Variants in NUP155 observed in about 807,000 individuals in gnomAD.
NUP155 encodes the protein nuclear pore complex protein Nup155.
In NUP155, 71 loss-of-function variants were observed where a neutral mutation model predicts 180.4. The observed-to-expected ratio is 0.39, with a 90% CI of 0.33 to 0.48. NUP155 has a LOEUF of 0.48. NUP155 is among the 20% of genes least tolerant of loss of function. NUP155 has a pLI of 0.91. For synonymous variants in NUP155, 582 were observed against 559.5 expected (o/e 1.04, Z -0.57); for missense variants, 1,553 against 1,648.9 (o/e 0.94, Z 1.01).
chr5:37,366,266 A>G (rs1231783521), intron 1 of NUP155, among the ~76,000 whole-genome samples: 1 of 152,182 alleles, frequency 6.6e-6, no homozygotes, highest in Non-Finnish European at 1.5e-5. Flanking sequence ...TAGAGTACAA[A>G]GATGTTAAGG....
intron 14 of NUP155, 73 bp from the exon 15 acceptor site, chr5:37,330,205 G>C: frequency 1.9e-6 from 2 of 1,027,868 alleles, no homozygotes; most frequent in Non-Finnish European, 3.0e-6. Context: ...GCTAGATGCA[G>C]TATTAAAGTC....
At chr5:37,312,940 T>TA (rs1313393740) in intron 22 of NUP155, among the ~76,000 whole-genome samples, 1 of 152,176 alleles carries the variant, frequency 6.6e-6, no homozygotes, top group Non-Finnish European at 1.5e-5. Context: ...ATATGGGAGT[T>TA]ACAGTTTTTG....
At chr5:37,351,422 T>A in intron 5 of NUP155, 66 bp from the exon 6 acceptor site, 2 of 1,138,794 alleles carry the variant, frequency 1.8e-6, no homozygotes, top group Non-Finnish European at 2.6e-6. Flanking sequence ...ATCTTTGCAT[T>A]ATCATCAGAA....
At chr5:37,343,105 T>C (rs372180503) in intron 9 of NUP155, among the ~76,000 whole-genome samples, 1 of 151,176 alleles carries the variant, frequency 6.6e-6, no homozygotes, top group East Asian at 2.0e-4. Context: ...GACGGAGTCT[T>C]GCTCTGTTGC....
chr5:37,358,897 G>T (rs529217586), intron 3 of NUP155, among the ~76,000 whole-genome samples: 1 of 152,018 alleles, frequency 6.6e-6, no homozygotes, highest in Admixed American at 6.5e-5. Context: ...CACGCCTGTG[G>T]TCCCAGCTAC....
chr5:37,340,058 C>T (rs1745610547), intron 11 of NUP155, among the ~76,000 whole-genome samples: 1 of 152,180 alleles, frequency 6.6e-6, no homozygotes, highest in African/African-American at 2.4e-5. Flanking sequence ...TGCACCCGGC[C>T]CCACCTCACT....
chr5:37,345,885 CGT>C (rs1746049657), intron 9 of NUP155, among the ~76,000 whole-genome samples: 1 of 131,382 alleles, frequency 7.6e-6, no homozygotes, highest in African/African-American at 3.0e-5. Context: ...GCCTGGGTGA[CGT>C]GACAGAGTGA....
rs74646699 is a variant in NUP155 at position 37,307,287 on chromosome 5, T to C, written c.2903+10A>G. On this transcript the variant is annotated intron_variant, in intron 25 of 34. Coordinates refer to ENST00000231498, the MANE Select transcript of NUP155 (RefSeq NM_153485.3). ...TAAAGATGACAATCTGCTAACGTAA[T>C]GGAATGCACCTTTCTTGGAAGGCCT... is the stretch of plus-strand genomic sequence containing the variant. 0.047 allele frequency: 75,590 copies of C among 1,612,656 alleles called. 2,007 individuals carry two copies. The highest frequency in any genetic ancestry group is 0.083 in the South Asian group (7,542 of 91,018).
intron 25 of NUP155, 49 bp downstream of exon 25, chr5:37,307,248 A>G: frequency 6.3e-7 from 1 of 1,587,782 alleles, no homozygotes; most frequent in South Asian, 1.1e-5. Context: ...TATGCAAAGA[A>G]AAGTCTGTAT....
intron 33 of NUP155, among the ~76,000 whole-genome samples, chr5:37,294,005 C>CAAAAAAAAAAAAAAAAAAAA (rs70976294): frequency 2.1e-3 from 77 of 37,250 alleles, no homozygotes; most frequent in South Asian, 7.2e-3. Context: ...GACGCCGTCT[C>CAAAAAAAAAAAAAAAAAAAA]AAAAAAAAAA....
chr5:37,362,325 G>C (rs1416050907), intron 3 of NUP155, among the ~76,000 whole-genome samples: 1 of 147,544 alleles, frequency 6.8e-6, no homozygotes, highest in Non-Finnish European at 1.5e-5. Context: ...TTTCCCTCTT[G>C]TTGCCCAGGC....
rs1328142273 is a variant in NUP155, at chr5:37,302,810, TCAC to T, written c.3413_3415del (p.Gly1138del). ...TTTTTCTTCTAATTCATGAAGAAAT[TCAC>T]CATCGGCAGCTATTGATGAAATGGC... On this transcript the variant is annotated inframe_deletion, in exon 29 of 35. Transcript: ENST00000231498. 1 of 1,614,080 alleles carries T rather than the reference TCAC, an allele frequency of 6.2e-7. No individual in the cohort carries two copies. The highest frequency in any genetic ancestry group is 1.1e-5 in the South Asian group (1 of 91,074).
intron 25 of NUP155, among the ~76,000 whole-genome samples, 192 bp downstream of exon 25, chr5:37,307,105 C>T (rs777592632): frequency 2.0e-5 from 3 of 147,946 alleles, no homozygotes; most frequent in East Asian, 2.0e-4. Flanking sequence ...GGCTGAGGCA[C>T]GAGAATAGCT....
intron 22 of NUP155, among the ~76,000 whole-genome samples, chr5:37,313,020 TTCTA>T (rs1178149760): frequency 2.0e-5 from 3 of 152,212 alleles, no homozygotes; most frequent in Admixed American, 6.5e-5. Context: ...CCTCTATATA[TTCTA>T]TCTAACATTT....
In NUP155 at chr5:37,329,176, T is replaced by C. The variant is rs1744795835; in HGVS notation, c.1813+14A>G. ...ACGATTAGAAACAATTTCATTTCAA[T>C]GTTCCATACTCACTAGAATAGACAG... On this transcript the variant is annotated intron_variant, in intron 16 of 34. Transcript: ENST00000231498. The C allele has an allele frequency of 6.3e-7, 1 of 1,578,264 alleles. No homozygotes were observed. The highest frequency in any genetic ancestry group is 1.7e-5 in the Admixed American group (1 of 59,952).
At chr5:37,341,330 A>T in intron 10 of NUP155, 88 bp from the exon 11 acceptor site, 1 of 1,066,662 alleles carries the variant, frequency 9.4e-7, no homozygotes, top group Admixed American at 1.7e-5. Flanking sequence ...ACAGCAATGC[A>T]ACACTCTGCT....
intron 9 of NUP155, among the ~76,000 whole-genome samples, chr5:37,345,216 A>G (rs987364366): frequency 1.3e-5 from 2 of 151,478 alleles, no homozygotes; most frequent in Admixed American, 1.3e-4. Flanking sequence ...TTGTTATGTA[A>G]CAGACTAAAG....
chr5:37,348,402 A>G (rs1177452251), intron 9 of NUP155, 103 bp downstream of exon 9: 1 of 807,604 alleles, frequency 1.2e-6, no homozygotes, highest in Non-Finnish European at 2.2e-6. Context: ...CTTGTCTTTT[A>G]GAGACATTTT....
chr5:37,292,801 C>T, intron 34 of NUP155, 78 bp downstream of exon 34: 1 of 858,310 alleles, frequency 1.2e-6, no homozygotes, highest in African/African-American at 1.7e-5. Flanking sequence ...TTCCCATCTT[C>T]TCTTCAAATT....
Sources: allele counts gnomAD v4.1 joint callset (sites outside exome capture counted in the v4.1 genomes callset), GRCh38; gene constraint gnomAD v4.1.1; transcripts MANE v1.5; gene names NCBI Gene and HGNC (gene_info 2026-07-23, HGNC 2026-07-21).